The following FZD3 variants were observed in gnomAD, a reference collection of about 807,000 sequenced individuals.
FZD3 encodes the protein frizzled class receptor 3, also known as frizzled-3.
Under a neutral mutation model 60.7 loss-of-function variants are expected in FZD3, and 30 were observed. The ratio of observed to expected loss-of-function variants is 0.49; its 90% CI spans 0.37 to 0.67. The LOEUF (loss-of-function observed/expected upper bound fraction) is 0.67, where lower values mean the gene tolerates loss of function less well. Among genes scored for constraint, FZD3 ranks in the 30% least tolerant of loss-of-function variants. The pLI, the probability that FZD3 is intolerant of heterozygous loss-of-function variation, is 0.00. For synonymous variants in FZD3, 246 were observed against 275.2 expected (o/e 0.89, Z 1.05); for missense variants, 605 against 838.7 (o/e 0.72, Z 3.44).
rs890652145 is a variant in FZD3 at position 28,531,484 on chromosome 8, T to C, written c.1404+3320T>C. Among the ~76,000 whole-genome samples the C allele has an allele frequency of 2.6e-5, 4 of 152,172 alleles. No individual in the cohort carries two copies. The South Asian group carries it at 8.3e-4, about 31-fold the overall frequency. The stretch of plus-strand genomic sequence containing the variant: ...AATATTCTTGTAACACTTTCATTTC[T>C]TAAATATGAACAAGAGTTTCTATTG... On this transcript the variant is annotated intron_variant, in intron 5 of 7. Coordinates refer to ENST00000240093, the MANE Select transcript of FZD3 (RefSeq NM_017412.4).
chr8:28,543,024 T>C (rs765957491), intron 5 of FZD3, among the ~76,000 whole-genome samples: 11 of 152,170 alleles, frequency 7.2e-5, no homozygotes, highest in Non-Finnish European at 1.2e-4. Flanking sequence ...TGATCAGTCA[T>C]CTAGAATTGA....
intron 3 of FZD3, among the ~76,000 whole-genome samples, chr8:28,507,608 C>T (rs1460023287): frequency 6.6e-6 from 1 of 152,184 alleles, no homozygotes; most frequent in African/African-American, 2.4e-5. Flanking sequence ...TATTTGGAAA[C>T]TTCTCATTGA....
intron 3 of FZD3, among the ~76,000 whole-genome samples, chr8:28,512,185 GTT>G (rs1472718507): frequency 1.3e-5 from 2 of 152,080 alleles, no homozygotes; most frequent in African/African-American, 4.8e-5. Flanking sequence ...AACATTATGT[GTT>G]TGTACTTATA....
At chr8:28,517,712 A>C (rs1804467662) in intron 3 of FZD3, among the ~76,000 whole-genome samples, 2 of 152,002 alleles carry the variant, frequency 1.3e-5, no homozygotes, top group South Asian at 4.1e-4. Flanking sequence ...TAAGTTCTTA[A>C]TTTCAGTAAT....
chr8:28,539,474 T>C (rs1805105548), intron 5 of FZD3, among the ~76,000 whole-genome samples: 1 of 152,186 alleles, frequency 6.6e-6, no homozygotes, highest in Admixed American at 6.5e-5. Flanking sequence ...TTATATTTGA[T>C]AGGACAAGTG....
At chr8:28,494,559 C>T (rs1335895708) in intron 1 of FZD3, among the ~76,000 whole-genome samples, 2 of 151,932 alleles carry the variant, frequency 1.3e-5, no homozygotes, top group Admixed American at 6.6e-5. Flanking sequence ...GGCTGCGGAG[C>T]GGGGGCCCGG....
In FZD3 at chr8:28,563,749, A is replaced by G. The variant is rs1805657531; in HGVS notation, c.*738A>G. 6.6e-6 allele frequency: 1 copy of G among 152,614 alleles called. No individual in the cohort carries two copies. The highest frequency in any genetic ancestry group is 2.1e-4 in the South Asian group (1 of 4,836). The allele number at this position is 152,614 out of a possible 1,614,324, so 9.5% of individuals were successfully genotyped here. A position where few individuals can be genotyped will look rare whatever the true frequency, so the allele number is the denominator to read the frequency against. The stretch of plus-strand genomic sequence containing the variant: ...CTGGCTGTGTTTTTATAACTTATCC[A>G]TATGCATGATGGAAAAATTTTAATT... On this transcript the variant is annotated 3_prime_UTR_variant, in exon 8 of 8. Transcript: ENST00000240093.
chr8:28,498,121 C>T (rs758904401), intron 1 of FZD3, among the ~76,000 whole-genome samples: 3 of 152,080 alleles, frequency 2.0e-5, no homozygotes, highest in Non-Finnish European at 2.9e-5. Context: ...TAACTTAGTC[C>T]GAAATCAGCT....
intron 6 of FZD3, among the ~76,000 whole-genome samples, chr8:28,553,288 C>T (rs555488541): frequency 6.6e-6 from 1 of 152,284 alleles, no homozygotes; most frequent in African/African-American, 2.4e-5. Context: ...TTGTTGAATG[C>T]TTACTATGTG....
intron 3 of FZD3, among the ~76,000 whole-genome samples, chr8:28,515,716 TCTTATCAGGAAG>T (rs1264242790): frequency 6.6e-6 from 1 of 152,198 alleles, no homozygotes; most frequent in African/African-American, 2.4e-5. Context: ...GCTCCTGAGA[TCTTATCAGGAAG>T]CTGCTGATCA....
chr8:28,508,376 G>A (rs1186732493), intron 3 of FZD3, among the ~76,000 whole-genome samples: 1 of 150,054 alleles, frequency 6.7e-6, no homozygotes, highest in Non-Finnish European at 1.5e-5. Flanking sequence ...GCTAAGCCTA[G>A]TGATACTAAG....
At chr8:28,506,315 G>T (rs1442617524) in intron 3 of FZD3, among the ~76,000 whole-genome samples, 1 of 152,140 alleles carries the variant, frequency 6.6e-6, no homozygotes, top group Non-Finnish European at 1.5e-5. Context: ...TCACTAACTA[G>T]GTTTGAGACC....
Position 28,568,817 on chromosome 8 carries a change from T to A in FZD3, c.*5806T>A, listed in dbSNP as rs1208880960. On this transcript the variant is annotated 3_prime_UTR_variant, in exon 8 of 8. Transcript: ENST00000240093. ...GCATTGAAGGATAATTTCCTTCAGA[T>A]TACTTTTTAAATCATCATCTGCCTC... is the stretch of plus-strand genomic sequence containing the variant. 6.6e-6 allele frequency: 1 copy of A among 152,134 alleles called. No individual in the cohort carries two copies. The highest frequency in any genetic ancestry group is 1.5e-5 in the Non-Finnish European group (1 of 67,964). 9.4% of individuals were successfully genotyped at this position (152,134 alleles called of 1,614,324 possible). A position where few individuals can be genotyped will look rare whatever the true frequency, so the allele number is the denominator to read the frequency against.
intron 4 of FZD3, among the ~76,000 whole-genome samples, chr8:28,525,011 T>A (rs1433831870): frequency 2.0e-5 from 3 of 152,232 alleles, no homozygotes; most frequent in Non-Finnish European, 2.9e-5. Context: ...TCTGTCTCAT[T>A]CTCACTGCCT....
chr8:28,542,732 T>C (rs552563748), intron 5 of FZD3, among the ~76,000 whole-genome samples: 2 of 152,286 alleles, frequency 1.3e-5, no homozygotes, highest in African/African-American at 2.4e-5. Flanking sequence ...TTAGTTCTTA[T>C]TGCTACCTGA....
intron 1 of FZD3, among the ~76,000 whole-genome samples, chr8:28,494,658 G>T (rs1803789582): frequency 6.6e-6 from 1 of 152,046 alleles, no homozygotes. Flanking sequence ...TGCCCCGGGA[G>T]ACTGTTAACC....
chr8:28,528,483 T>G (rs539190999), intron 5 of FZD3, among the ~76,000 whole-genome samples: 10 of 152,238 alleles, frequency 6.6e-5, no homozygotes, highest in African/African-American at 1.9e-4. Context: ...TATAAAAATT[T>G]GCTTTTTATG....
At chr8:28,535,140 T>C (rs1455975593) in intron 5 of FZD3, among the ~76,000 whole-genome samples, 1 of 152,254 alleles carries the variant, frequency 6.6e-6, no homozygotes, top group Non-Finnish European at 1.5e-5. Context: ...ATTGCATGAA[T>C]GTAAATTCAT....
rs765060297 is a variant in FZD3 at position 28,512,995 on chromosome 8, ATT to A, written c.190-7638_190-7637del. On this transcript the variant is annotated intron_variant, in intron 3 of 7. Coordinates refer to ENST00000240093, the MANE Select transcript of FZD3 (RefSeq NM_017412.4). Reference sequence around the variant, plus strand: ...TGCATTATCAAACATTTACTTTATTATTTTTTGTTGAGATTAATATTAATAAG... The same window carrying A: ...TGCATTATCAAACATTTACTTTATTATTTTGTTGAGATTAATATTAATAAG... 9.9e-5 allele frequency among the ~76,000 whole-genome samples: 15 copies of A among 152,166 alleles called. 1 individual carries two copies. In the East Asian group the frequency reaches 1.9e-3, roughly 20 times the overall value.
Sources: allele counts gnomAD v4.1 joint callset (sites outside exome capture counted in the v4.1 genomes callset), GRCh38; gene constraint gnomAD v4.1.1; transcripts MANE v1.5; gene names NCBI Gene and HGNC (gene_info 2026-07-23, HGNC 2026-07-21).